Variants in AMZ2 observed in about 807,000 individuals in gnomAD.
The protein encoded by AMZ2 is archaelysin family metallopeptidase 2, also known as archaemetzincin-2.
Under a neutral mutation model 36.7 loss-of-function variants are expected in AMZ2, and 26 were observed. The observed-to-expected ratio is 0.71, with a 90% CI of 0.52 to 0.98. AMZ2 has a LOEUF of 0.98. AMZ2 is among the 50% of genes least tolerant of loss of function. The pLI, the probability that AMZ2 is intolerant of heterozygous loss-of-function variation, is 0.00. For synonymous variants in AMZ2, 144 were observed against 149.1 expected (o/e 0.97, Z 0.25); for missense variants, 394 against 430.5 (o/e 0.92, Z 0.75).
At chr17:68,206,940 C>T (rs1345379814) in intron 1 of AMZ2, 2 of 152,888 alleles carry the variant, frequency 1.3e-5, no homozygotes, top group African/African-American at 4.8e-5. Flanking sequence ...AAGACCCACC[C>T]AACTTTGGTT....
At position 68,209,602 on chromosome 17, in the gene AMZ2, GTGTATA is replaced by G. The variant is rs1314061251; in HGVS notation, c.-67+3372_-67+3377del. 5.5e-3 allele frequency among the ~76,000 whole-genome samples: 670 copies of G among 120,894 alleles called. 33 individuals are homozygous for G. The highest frequency in any genetic ancestry group is 0.021 in the African/African-American group (601 of 29,114). The allele number at this position is 120,894 out of a possible 152,430, so 79.3% of individuals were successfully genotyped here. The stretch of plus-strand genomic sequence containing the variant: ...TGTGGGTGTGTGTGTGTGTGTGTGT[GTGTATA>G]TGTATATATATATATATATATATAT... On this transcript the variant is annotated intron_variant, in intron 1 of 7. Transcript: ENST00000674770.
Position 68,225,512 on chromosome 17 carries a change from A to AT in AMZ2, c.-67+19281dup, listed in dbSNP as rs1236655235. On this transcript the variant is annotated intron_variant, in intron 1 of 7. Transcript: ENST00000674770. ...CAATAGCTGTGTATTTTGATTTTTA[A>AT]TTTTTTTCTTTTTCCCTCTGTGACT... Among the ~76,000 whole-genome samples the AT allele has an allele frequency of 2.6e-5, 4 of 152,200 alleles. No individual in the cohort carries two copies. In the East Asian group the frequency reaches 5.8e-4, roughly 22 times the overall value.
At chr17:68,248,022 C>CCAGTGGGCGTGGCGT (rs1457235158), upstream of AMZ2, 9 of 986,590 alleles carry the variant, frequency 9.1e-6, no homozygotes, top group African/African-American at 1.4e-4. Flanking sequence ...GGGCGTGGCG[C>CCAGTGGGCGTGGCGT]CAGTGGGCGT....
chr17:68,216,010 C>G (rs191197430), intron 1 of AMZ2, among the ~76,000 whole-genome samples: 1 of 152,292 alleles, frequency 6.6e-6, no homozygotes, highest in African/African-American at 2.4e-5. Flanking sequence ...TAGTAACAGC[C>G]AAGAGCAACA....
rs782764523 is a variant in AMZ2, at chr17:68,256,983, G to T, written c.*14G>T. The T allele has an allele frequency of 6.2e-7, 1 of 1,608,770 alleles. No individual in the cohort carries two copies. Among genetic ancestry groups the T allele is most frequent in the African/African-American group, 1.3e-5 (1 of 74,670 alleles). On this transcript the variant is annotated 3_prime_UTR_variant, in exon 7 of 7. Coordinates refer to ENST00000359904, the MANE Select transcript of AMZ2 (RefSeq NM_016627.5). ...CTCCAAAAATGAGGACCTTCAAATA[G>T]GAGTGATTGAAATAAATAACTACTT...
Position 68,209,632 on chromosome 17 carries a change from A to ATATATGTATATATATTT in AMZ2, c.-67+3395_-67+3396insATATGTATATATATTTT. 3.4e-3 allele frequency among the ~76,000 whole-genome samples: 307 copies of ATATATGTATATATATTT among 90,524 alleles called. 1 individual carries two copies. The highest frequency in any genetic ancestry group is 7.9e-3 in the East Asian group (19 of 2,406). 59.4% of individuals were successfully genotyped at this position (90,524 alleles called of 152,430 possible). A position where few individuals can be genotyped will look rare whatever the true frequency, so the allele number is the denominator to read the frequency against. Reference sequence around the variant, plus strand: ...TATGTATATATATATATATATATATATTTTTTTTTTTTTTTATACAGAGTC... The same window carrying ATATATGTATATATATTT: ...TATGTATATATATATATATATATATATATATGTATATATATTTTTTTTTTTTTTTTTTATACAGAGTC... On this transcript the variant is annotated intron_variant, in intron 1 of 7. Transcript: ENST00000674770.
intron 1 of AMZ2, among the ~76,000 whole-genome samples, chr17:68,223,153 T>C (rs2073412637): frequency 6.6e-6 from 1 of 152,222 alleles, no homozygotes; most frequent in Admixed American, 6.5e-5. Flanking sequence ...CATGATTCTC[T>C]TCTTTCAAAT....
intron 1 of AMZ2, chr17:68,249,055 C>G: frequency 1.7e-6 from 2 of 1,186,132 alleles, no homozygotes; most frequent in Non-Finnish European, 1.0e-6. Context: ...AGGATGAAAG[C>G]TCTATATAGG....
At chr17:68,239,971 C>G (rs185476134) in intron 1 of AMZ2, among the ~76,000 whole-genome samples, 4 of 152,260 alleles carry the variant, frequency 2.6e-5, no homozygotes, top group Non-Finnish European at 5.9e-5. Flanking sequence ...GACATTTTAT[C>G]CATGAAATGA....
chr17:68,206,439 T>C (rs1409644209), intron 1 of AMZ2: 1 of 295,244 alleles, frequency 3.4e-6, no homozygotes, highest in Non-Finnish European at 5.5e-6. Context: ...AAAATGGAGA[T>C]TGCATTGTTG....
intron 1 of AMZ2, among the ~76,000 whole-genome samples, chr17:68,228,519 G>A (rs1442500872): frequency 2.0e-5 from 3 of 152,260 alleles, no homozygotes; most frequent in African/African-American, 7.2e-5. Flanking sequence ...CCCTGCCCTT[G>A]CCTCCCCTCC....
In AMZ2 at chr17:68,255,717, C is replaced by A. The variant is rs138911562; in HGVS notation, c.768C>A (p.Ile256=). The A allele has an allele frequency of 6.2e-7, 1 of 1,614,038 alleles. No individual in the cohort carries two copies. The highest frequency in any genetic ancestry group is 1.1e-5 in the South Asian group (1 of 91,068). Reference sequence around the variant, plus strand: ...TCTTGCAGACTTTAACCCATGAGATCGGACACATATTTGGACTGCGACACT... The same window carrying A: ...TCTTGCAGACTTTAACCCATGAGATAGGACACATATTTGGACTGCGACACT... ...LRSCKTLTHE[I]GHIFGLRHCQ... is the part of the protein sequence containing the mutation. Residue 256 remains isoleucine, a synonymous_variant, in exon 6 of 7, where the codon ATC becomes ATA. Transcript: ENST00000359904.
chr17:68,218,141 G>A (rs1309386555), intron 1 of AMZ2, among the ~76,000 whole-genome samples: 5 of 152,068 alleles, frequency 3.3e-5, no homozygotes, highest in Non-Finnish European at 5.9e-5. Flanking sequence ...ATGAATTTAT[G>A]GTCCACCTGA....
chr17:68,226,581 T>G (rs568507419), intron 1 of AMZ2, among the ~76,000 whole-genome samples: 1 of 152,336 alleles, frequency 6.6e-6, no homozygotes, highest in South Asian at 2.1e-4. Flanking sequence ...TCTGGTCAAG[T>G]GTCCTCCCCT....
chr17:68,211,796 A>G (rs1486623564), intron 1 of AMZ2, among the ~76,000 whole-genome samples: 2 of 86,614 alleles, frequency 2.3e-5, no homozygotes, highest in Non-Finnish European at 5.7e-5. Context: ...ATATGTATAT[A>G]TGTGTATATG....
chr17:68,217,525 A>G (rs2073229866), intron 1 of AMZ2, among the ~76,000 whole-genome samples: 1 of 152,208 alleles, frequency 6.6e-6, no homozygotes, highest in African/African-American at 2.4e-5. Flanking sequence ...GTGATAATTA[A>G]GTGTTCTGTG....
At chr17:68,229,698 C>T (rs2073611924) in intron 1 of AMZ2, among the ~76,000 whole-genome samples, 1 of 152,218 alleles carries the variant, frequency 6.6e-6, no homozygotes, top group Admixed American at 6.5e-5. Flanking sequence ...CTTAAACATT[C>T]CTGATCTTTT....
At chr17:68,212,804 G>A (rs1322883917) in intron 1 of AMZ2, among the ~76,000 whole-genome samples, 2 of 152,114 alleles carry the variant, frequency 1.3e-5, no homozygotes, top group African/African-American at 4.8e-5. Flanking sequence ...CTGGGTTCAA[G>A]CAATCCACCG....
intron 5 of AMZ2, 88 bp downstream of exon 5, chr17:68,254,655 T>A: frequency 8.4e-7 from 1 of 1,189,580 alleles, no homozygotes; most frequent in Admixed American, 2.7e-5. Flanking sequence ...TAAGGTAATA[T>A]TATAAATGAG....
Sources: allele counts gnomAD v4.1 joint callset (sites outside exome capture counted in the v4.1 genomes callset), GRCh38; gene constraint gnomAD v4.1.1; transcripts MANE v1.5; gene names NCBI Gene and HGNC (gene_info 2026-07-23, HGNC 2026-07-21).